BRCA2: variants seen among roughly 807,000 people sequenced by gnomAD.
BRCA2 encodes breast cancer type 2 susceptibility protein.
In BRCA2, 203 loss-of-function variants were observed where a neutral mutation model predicts 276.7. The ratio of observed to expected loss-of-function variants is 0.73; its 90% CI spans 0.65 to 0.82. The LOEUF is 0.82. Among genes scored for constraint, BRCA2 ranks in the 40% least tolerant of loss-of-function variants. The probability of loss-of-function intolerance (pLI) is 0.00; values close to 1 mark genes in which losing one functional copy is unlikely to be tolerated. For synonymous variants in BRCA2, 1,289 were observed against 1,338.4 expected, an observed-to-expected ratio of 0.96 and a Z score of 0.81; for missense variants, 3,920 against 3,915.0, an observed-to-expected ratio of 1.00 and a Z score of -0.03.
intron 13 of BRCA2, among the ~76,000 whole-genome samples, chr13:32,350,520 C>T (rs949897481): frequency 2.6e-5 from 4 of 151,956 alleles, no homozygotes; most frequent in Admixed American, 6.6e-5. Flanking sequence ...GAGGCCGAGG[C>T]GGGTGGATCA....
In BRCA2 at chr13:32,340,369, A is replaced by T. The variant is rs876658259; in HGVS notation, c.6014A>T (p.Asp2005Val). 6.2e-7 allele frequency: 1 copy of T among 1,613,978 alleles called. No homozygotes were observed. The highest frequency in any genetic ancestry group is 8.5e-7 in the Non-Finnish European group (1 of 1,179,890). The change falls in exon 11 of 27, where the codon GAT (aspartate) becomes GTT (valine). Residue 2005 changes from aspartate (D) to valine (V), a missense_variant. Around this residue, in one of 2 missense-constraint regions of BRCA2, gnomAD observed 3,263 missense variants for 3,156.9 expected, o/e 1.03. Coordinates refer to ENST00000380152, the MANE Select transcript of BRCA2 (RefSeq NM_000059.4). ...NARQVFSEIEDSTKQVFSKVL... is the reference protein window; with the variant it reads ...NARQVFSEIEVSTKQVFSKVL... ...AGACAAGTGTTTTCTGAAATAGAAG[A>T]TAGTACCAAGCAAGTCTTTTCCAAA...
chr13:32,390,236 T>C (rs758607967), intron 24 of BRCA2, among the ~76,000 whole-genome samples: 2 of 152,116 alleles, frequency 1.3e-5, no homozygotes, highest in Non-Finnish European at 2.9e-5. Context: ...CAGACTCTTT[T>C]GTATACCCCC....
chr13:32,368,906 G>A (rs760339860), intron 18 of BRCA2, among the ~76,000 whole-genome samples: 5 of 151,648 alleles, frequency 3.3e-5, no homozygotes, highest in Non-Finnish European at 7.4e-5. Context: ...CACCTCCCAG[G>A]TTCGAGGAAT....
chr13:32,324,542 A>T (rs1451720601), intron 3 of BRCA2, among the ~76,000 whole-genome samples: 1 of 152,216 alleles, frequency 6.6e-6, no homozygotes, highest in East Asian at 1.9e-4. Flanking sequence ...CTTGAAAAGT[A>T]AGATCTTGAA....
At chr13:32,348,854 G>C (rs2137544700) in intron 13 of BRCA2, among the ~76,000 whole-genome samples, 1 of 152,266 alleles carries the variant, frequency 6.6e-6, no homozygotes, top group East Asian at 1.9e-4. Flanking sequence ...AAGAGACTTT[G>C]GAAGAGTTTG....
chr13:32,332,141 A>C, intron 9 of BRCA2, 131 bp from the exon 10 acceptor site: 13 of 899,942 alleles, frequency 1.4e-5, no homozygotes, highest in Non-Finnish European at 1.9e-5. Flanking sequence ...TACTCAGAAT[A>C]ACCCTTTAAA....
At chr13:32,321,772 A>C (rs2072307731) in intron 3 of BRCA2, among the ~76,000 whole-genome samples, 1 of 152,142 alleles carries the variant, frequency 6.6e-6, no homozygotes, top group Admixed American at 6.5e-5. Flanking sequence ...ATTATTCCTA[A>C]AGTTCTATGA....
chr13:32,347,496 C>T (rs2072619934), intron 13 of BRCA2, among the ~76,000 whole-genome samples: 1 of 152,126 alleles, frequency 6.6e-6, no homozygotes, highest in Non-Finnish European at 1.5e-5. Flanking sequence ...ATTTCCTCCC[C>T]CACTGCAAAT....
intron 25 of BRCA2, 41 bp from the exon 26 acceptor site, chr13:32,396,857 G>T (rs2137658488): frequency 1.2e-6 from 2 of 1,611,620 alleles, no homozygotes; most frequent in Non-Finnish European, 1.7e-6. Flanking sequence ...AAATATGTGG[G>T]TTTGCAATTT....
upstream of BRCA2, chr13:32,315,503 G>A (rs993685244): frequency 6.6e-6 from 1 of 152,284 alleles, no homozygotes; most frequent in Non-Finnish European, 1.5e-5. Flanking sequence ...CTGAAACTAG[G>A]CGGCAGAGGC....
At chr13:32,381,251 A>T (rs11571772) in intron 24 of BRCA2, among the ~76,000 whole-genome samples, 1 of 152,242 alleles carries the variant, frequency 6.6e-6, no homozygotes, top group Admixed American at 6.5e-5. Flanking sequence ...AACAAAACAG[A>T]TAAGAATCCC....
Position 32,332,640 on chromosome 13 carries a change from G to C in BRCA2, c.1162G>C (p.Val388Leu), listed in dbSNP as rs876660239. The change falls in exon 10 of 27, where the codon GTA (valine) becomes CTA (leucine). Residue 388 changes from valine to leucine, a missense_variant. This residue lies in a region of BRCA2 where 3,263 missense variants were observed against 3,156.9 expected (regional missense o/e 1.03). Coordinates refer to ENST00000380152, the MANE Select transcript of BRCA2 (RefSeq NM_000059.4). ...SGSDKISKEV[V>L]PSLACEWSQL... ...AAGTGACAAAATCTCCAAGGAAGTTGTACCGTCTTTGGCCTGTGAATGGTC... is the reference window on the plus strand; with the variant it reads ...AAGTGACAAAATCTCCAAGGAAGTTCTACCGTCTTTGGCCTGTGAATGGTC... 1 of 1,613,990 alleles carries C rather than the reference G, an allele frequency of 6.2e-7. No individual in the cohort carries two copies. Among genetic ancestry groups the C allele is most frequent in the East Asian group, 2.2e-5 (1 of 44,886 alleles).
intron 2 of BRCA2, among the ~76,000 whole-genome samples, chr13:32,317,946 A>G (rs2072275597): frequency 6.6e-6 from 1 of 152,240 alleles, no homozygotes. Context: ...ATTGTACTTC[A>G]GTATGCAGAA....
At chr13:32,334,695 A>T (rs2072435056) in intron 10 of BRCA2, among the ~76,000 whole-genome samples, 1 of 152,094 alleles carries the variant, frequency 6.6e-6, no homozygotes, top group Non-Finnish European at 1.5e-5. Flanking sequence ...AAAGAAAAAA[A>T]AAATTTAAAT....
chr13:32,332,790 G>T lies in BRCA2; in HGVS notation c.1312G>T (p.Asp438Tyr), dbSNP rs765436962. The T allele has an allele frequency of 4.4e-6, 7 of 1,607,568 alleles. No homozygotes were observed. In the Admixed American group the frequency reaches 8.6e-5, roughly 20 times the overall value. The stretch of plus-strand genomic sequence containing the variant: ...AGACACAGAGAACAAAAGAAAGAAA[G>T]ATTTTCTTACTTCAGAGAATTCTTT... ...LLDTENKRKKDFLTSENSLPR... is the reference protein window; with the variant it reads ...LLDTENKRKKYFLTSENSLPR... The change falls in exon 10 of 27, where the codon GAT (aspartate) becomes TAT (tyrosine). Residue 438 changes from aspartate (D) to tyrosine (Y), a missense_variant. This residue lies in a region of BRCA2 where 3,263 missense variants were observed against 3,156.9 expected (regional missense o/e 1.03). Transcript: ENST00000380152.
At chr13:32,393,151 T>G (rs1453432521) in intron 24 of BRCA2, among the ~76,000 whole-genome samples, 1 of 152,208 alleles carries the variant, frequency 6.6e-6, no homozygotes, top group Non-Finnish European at 1.5e-5. Flanking sequence ...ATCTGCTGGG[T>G]TTCTCCTCTG....
At chr13:32,391,145 A>C (rs558814687) in intron 24 of BRCA2, among the ~76,000 whole-genome samples, 20 of 152,338 alleles carry the variant, frequency 1.3e-4, no homozygotes, top group Non-Finnish European at 2.5e-4. Context: ...TTACAGAAAC[A>C]CTGTGATATA....
Position 32,361,504 on chromosome 13 carries a change from G to A in BRCA2, c.7806-1019G>A, listed in dbSNP as rs56132513. On this transcript the variant is annotated intron_variant, in intron 16 of 26. Transcript: ENST00000380152. Reference sequence around the variant, plus strand: ...CTTGGAGAGGAAGTAGGATCAAAGAGTCTTAGTTTTGGCTTGTTTTAAGGT... The same window carrying A: ...CTTGGAGAGGAAGTAGGATCAAAGAATCTTAGTTTTGGCTTGTTTTAAGGT... Among the ~76,000 whole-genome samples the A allele has an allele frequency of 0.01, 1,572 of 152,194 alleles. 31 individuals carry two copies. Among genetic ancestry groups the A allele is most frequent in the African/African-American group, 0.036 (1,499 of 41,508 alleles).
Position 32,379,316 on chromosome 13 carries a change from G to A in BRCA2, c.8755-1G>A, listed in dbSNP as rs81002812. 1.9e-6 allele frequency: 3 copies of A among 1,613,474 alleles called. No homozygotes were observed. Among genetic ancestry groups the A allele is most frequent in the Non-Finnish European group, 2.5e-6 (3 of 1,179,708 alleles). On this transcript the variant is annotated splice_acceptor_variant, in intron 21 of 26. Coordinates refer to ENST00000380152, the MANE Select transcript of BRCA2 (RefSeq NM_000059.4). LOFTEE classifies it high-confidence loss of function. ...TATTCCAATATCTTAAATGGTCACA[G>A]GGTTATTTCAGTGAAGAGCAGTTAA...
Sources: allele counts gnomAD v4.1 joint callset (sites outside exome capture counted in the v4.1 genomes callset), GRCh38; gene constraint gnomAD v4.1.1; regional missense constraint gnomAD v4.1.1; transcripts MANE v1.5; gene names NCBI Gene and HGNC (gene_info 2026-07-23, HGNC 2026-07-21).